The following LSAMP variants were observed in gnomAD, a reference collection of about 807,000 sequenced individuals.
The protein encoded by LSAMP is limbic system-associated membrane protein.
In LSAMP, 7 loss-of-function variants were observed where a neutral mutation model predicts 38.6. The observed-to-expected ratio is 0.18, with a 90% CI of 0.10 to 0.34. The LOEUF (loss-of-function observed/expected upper bound fraction) is 0.34. Ranked by LOEUF, LSAMP falls within the 10% of genes least tolerant of loss-of-function variation. LSAMP has a pLI of 1.00. For synonymous variants in LSAMP, 154 were observed against 166.8 expected (o/e 0.92, Z 0.59); for missense variants, 313 against 420.0 (o/e 0.75, Z 2.23).
chr3:116,122,041 C>CT (rs1308296672), intron 1 of LSAMP, among the ~76,000 whole-genome samples: 3 of 152,190 alleles, frequency 2.0e-5, no homozygotes, highest in African/African-American at 2.4e-5. Flanking sequence ...TCACTATACT[C>CT]TTTTTCTTCA....
intron 1 of LSAMP, among the ~76,000 whole-genome samples, chr3:116,164,542 A>G (rs1035679395): frequency 2.1e-5 from 3 of 144,560 alleles, no homozygotes; most frequent in African/African-American, 7.6e-5. Flanking sequence ...ATCTTGTTTC[A>G]TTTGAAATCA....
chr3:116,302,887 A>G (rs1294079192), intron 1 of LSAMP, among the ~76,000 whole-genome samples: 1 of 152,206 alleles, frequency 6.6e-6, no homozygotes, highest in African/African-American at 2.4e-5. Flanking sequence ...CAAAATAGGA[A>G]GGACTAGCCT....
At chr3:115,935,915 T>C (rs1156852499) in intron 3 of LSAMP, among the ~76,000 whole-genome samples, 1 of 152,202 alleles carries the variant, frequency 6.6e-6, no homozygotes, top group Non-Finnish European at 1.5e-5. Flanking sequence ...ACACATGCTG[T>C]AATACCTGTC....
chr3:115,893,162 G>A (rs1936643887), intron 3 of LSAMP, among the ~76,000 whole-genome samples: 1 of 151,962 alleles, frequency 6.6e-6, no homozygotes, highest in Non-Finnish European at 1.5e-5. Context: ...TGGGAGACTA[G>A]GTGAGGGATA....
rs530843967 is a variant in LSAMP at position 115,955,795 on chromosome 3, A to C, written c.514+63720T>G. 6.6e-5 allele frequency among the ~76,000 whole-genome samples: 10 copies of C among 152,276 alleles called. No homozygotes were observed. The South Asian group carries it at 1.9e-3, about 28-fold the overall frequency. On this transcript the variant is annotated intron_variant, in intron 3 of 6. Coordinates refer to ENST00000490035, the MANE Select transcript of LSAMP (RefSeq NM_002338.5). ...TGCTTAGCTGGGCAGGGAGCTCATG[A>C]GTCTTTAGAGTTGCCTCCAACAAAA...
At chr3:115,858,161 C>G (rs927063312) in intron 3 of LSAMP, among the ~76,000 whole-genome samples, 2 of 151,104 alleles carry the variant, frequency 1.3e-5, no homozygotes, top group Admixed American at 1.3e-4. Flanking sequence ...CTCTCTCTCT[C>G]TCTCACACAC....
intron 1 of LSAMP, among the ~76,000 whole-genome samples, chr3:116,143,349 TCTA>T (rs1328069729): frequency 1.3e-5 from 2 of 150,772 alleles, no homozygotes; most frequent in Non-Finnish European, 3.0e-5. Context: ...TTTTAAAATT[TCTA>T]CTAAATGGGC....
chr3:116,302,571 T>C (rs1283947275), intron 1 of LSAMP, among the ~76,000 whole-genome samples: 1 of 152,232 alleles, frequency 6.6e-6, no homozygotes, highest in Non-Finnish European at 1.5e-5. Context: ...TTGTAGACTG[T>C]TGTTGAATAA....
chr3:115,957,485 C>G (rs1037948698), intron 3 of LSAMP, among the ~76,000 whole-genome samples: 74 of 152,030 alleles, frequency 4.9e-4, no homozygotes, highest in African/African-American at 1.7e-3. Flanking sequence ...GACCTAAACC[C>G]CAGTGCAGCT....
chr3:115,818,011 T>G (rs144356875), intron 6 of LSAMP, among the ~76,000 whole-genome samples: 2 of 152,174 alleles, frequency 1.3e-5, no homozygotes, highest in Non-Finnish European at 2.9e-5. Context: ...AATATGTTCA[T>G]GAAAACATGA....
chr3:115,853,683 G>A (rs751659717), intron 3 of LSAMP, among the ~76,000 whole-genome samples: 4 of 152,146 alleles, frequency 2.6e-5, no homozygotes, highest in Non-Finnish European at 5.9e-5. Context: ...AGATTGGGTA[G>A]CAGGAAGAGC....
At chr3:116,004,026 T>G (rs1940077757) in intron 3 of LSAMP, among the ~76,000 whole-genome samples, 1 of 152,198 alleles carries the variant, frequency 6.6e-6, no homozygotes, top group Non-Finnish European at 1.5e-5. Context: ...TGGCAAACAT[T>G]ACTGAGAAAA....
chr3:116,354,652 G>T (rs1281600205), intron 1 of LSAMP, among the ~76,000 whole-genome samples: 1 of 152,176 alleles, frequency 6.6e-6, no homozygotes, highest in African/African-American at 2.4e-5. Context: ...ATGGTAGGTT[G>T]CCTTATAATC....
chr3:116,356,954 T>C (rs923526355), intron 1 of LSAMP, among the ~76,000 whole-genome samples: 1 of 151,976 alleles, frequency 6.6e-6, no homozygotes, highest in Non-Finnish European at 1.5e-5. Context: ...CCACCACGCC[T>C]GGCTAATTTT....
At chr3:115,830,470 T>C (rs147815257) in intron 6 of LSAMP, among the ~76,000 whole-genome samples, 89 of 152,318 alleles carry the variant, frequency 5.8e-4, no homozygotes, top group African/African-American at 2.0e-3. Flanking sequence ...AAGGGGTAGG[T>C]TGAAATGTAG....
At chr3:116,333,351 C>G (rs910478560) in intron 1 of LSAMP, among the ~76,000 whole-genome samples, 2 of 151,790 alleles carry the variant, frequency 1.3e-5, no homozygotes, top group Non-Finnish European at 2.9e-5. Flanking sequence ...CCAGCTGGGC[C>G]AAAATGGTGA....
At chr3:116,084,473 C>A (rs201276551) in intron 2 of LSAMP, among the ~76,000 whole-genome samples, 76 of 140,740 alleles carry the variant, frequency 5.4e-4, no homozygotes, top group South Asian at 5.2e-3. Flanking sequence ...AAAAAAAAAC[C>A]AAAAAAAACC....
At chr3:116,273,701 TATATATAC>T (rs1437008990) in intron 1 of LSAMP, among the ~76,000 whole-genome samples, 1 of 127,336 alleles carries the variant, frequency 7.9e-6, no homozygotes, top group African/African-American at 3.6e-5. Context: ...TATATATATA[TATATATAC>T]ACACACACAC....
chr3:116,159,346 A>G (rs1201678330), intron 1 of LSAMP, among the ~76,000 whole-genome samples: 2 of 152,210 alleles, frequency 1.3e-5, no homozygotes, highest in African/African-American at 2.4e-5. Flanking sequence ...AAATATTTGC[A>G]AAGTATGCAT....
Sources: gnomAD v4.1 joint callset for allele counts (sites outside exome capture counted in the v4.1 genomes callset) on GRCh38, gnomAD v4.1.1 for gene constraint, MANE v1.5 for transcripts, NCBI Gene and HGNC (gene_info 2026-07-23, HGNC 2026-07-21) for gene names.